The following DOCK4 variants were observed in gnomAD, a reference collection of about 807,000 sequenced individuals.
DOCK4 encodes the protein dedicator of cytokinesis 4, also known as dedicator of cytokinesis protein 4.
In DOCK4, 97 loss-of-function variants were observed where a neutral mutation model predicts 268.1. That is an observed-to-expected ratio of 0.36 (90% CI 0.31 to 0.43). The LOEUF is 0.43. Among genes scored for constraint, DOCK4 ranks in the 20% least tolerant of loss-of-function variants. DOCK4 has a pLI of 1.00. For synonymous variants in DOCK4, 954 were observed against 887.2 expected (o/e 1.08, Z -1.34); for missense variants, 2,145 against 2,455.7 (o/e 0.87, Z 2.67).
intron 30 of DOCK4, chr7:111,808,080 A>G (rs1276821608): frequency 2.0e-5 from 3 of 152,318 alleles, no homozygotes; most frequent in Admixed American, 2.0e-4. Flanking sequence ...CAACTCAAAT[A>G]GGTCAATCAT....
chr7:111,857,861 T>C (rs368596832), intron 23 of DOCK4, among the ~76,000 whole-genome samples: 24 of 152,330 alleles, frequency 1.6e-4, no homozygotes, highest in African/African-American at 5.8e-4. Flanking sequence ...ATTTAGACTC[T>C]TCTATTCATG....
intron 1 of DOCK4, among the ~76,000 whole-genome samples, chr7:112,170,548 T>C (rs1818002759): frequency 6.6e-6 from 1 of 152,070 alleles, no homozygotes; most frequent in South Asian, 2.1e-4. Flanking sequence ...AAAGACATCG[T>C]TACAAGCAGA....
chr7:112,179,107 T>C (rs181586358), intron 1 of DOCK4, among the ~76,000 whole-genome samples: 3 of 152,340 alleles, frequency 2.0e-5, no homozygotes, highest in Admixed American at 2.0e-4. Context: ...AAATGGAGGC[T>C]GAACGCATTT....
intron 12 of DOCK4, among the ~76,000 whole-genome samples, chr7:111,921,688 G>C (rs1179830424): frequency 6.6e-6 from 1 of 152,116 alleles, no homozygotes; most frequent in Non-Finnish European, 1.5e-5. Context: ...GTAAAATAAA[G>C]ATAAAGGCAC....
At chr7:111,924,929 G>T (rs1475732470) in intron 12 of DOCK4, among the ~76,000 whole-genome samples, 1 of 152,106 alleles carries the variant, frequency 6.6e-6, no homozygotes. Flanking sequence ...GTATGTTTGG[G>T]AGGTGGGGGC....
At chr7:112,133,779 T>G (rs1814043974) in intron 1 of DOCK4, among the ~76,000 whole-genome samples, 1 of 152,224 alleles carries the variant, frequency 6.6e-6, no homozygotes, top group South Asian at 2.1e-4. Context: ...TCTTTGGATG[T>G]ACGGTTATAA....
At chr7:112,118,040 A>C (rs1043384376) in intron 1 of DOCK4, among the ~76,000 whole-genome samples, 5 of 152,164 alleles carry the variant, frequency 3.3e-5, no homozygotes, top group African/African-American at 1.2e-4. Flanking sequence ...TACACAAAAT[A>C]CAGAGCTATT....
intron 36 of DOCK4, among the ~76,000 whole-genome samples, chr7:111,770,523 T>C (rs1400405610): frequency 6.6e-6 from 1 of 152,188 alleles, no homozygotes; most frequent in African/African-American, 2.4e-5. Flanking sequence ...GATTTAAGTA[T>C]GGTTGGCAGA....
chr7:112,123,435 G>A (rs1422561581), intron 1 of DOCK4, among the ~76,000 whole-genome samples: 1 of 152,134 alleles, frequency 6.6e-6, no homozygotes, highest in Non-Finnish European at 1.5e-5. Flanking sequence ...AAAGTAACAT[G>A]AAAATTCATG....
chr7:112,196,694 G>T (rs1237877769), intron 1 of DOCK4, among the ~76,000 whole-genome samples: 1 of 152,104 alleles, frequency 6.6e-6, no homozygotes, highest in Non-Finnish European at 1.5e-5. Flanking sequence ...AGTCATTGAG[G>T]CCTCTCTGTT....
chr7:111,912,686 A>T (rs1792214437), intron 13 of DOCK4, among the ~76,000 whole-genome samples: 1 of 152,106 alleles, frequency 6.6e-6, no homozygotes, highest in African/African-American at 2.4e-5. Context: ...GACAGAAAGG[A>T]AAAGAGAAAG....
chr7:111,779,594 T>G (rs1316761650), intron 35 of DOCK4, among the ~76,000 whole-genome samples: 2 of 152,118 alleles, frequency 1.3e-5, no homozygotes, highest in South Asian at 4.1e-4. Context: ...GGTTTTGCCA[T>G]GATGCCCAGG....
intron 1 of DOCK4, among the ~76,000 whole-genome samples, chr7:112,176,306 T>C (rs2523020): frequency 0.69 from 105,549 of 151,908 alleles, 37,788 homozygotes; most frequent in African/African-American, 0.84. Flanking sequence ...TCCACCCATA[T>C]CTCTTATCAC....
intron 6 of DOCK4, 38 bp downstream of exon 6, chr7:111,988,977 C>T (rs1470284638): frequency 6.3e-7 from 1 of 1,577,044 alleles, no homozygotes; most frequent in Admixed American, 1.9e-5. Flanking sequence ...CCATTGTGTT[C>T]ACCTACTAGA....
intron 18 of DOCK4, 21 bp downstream of exon 18, chr7:111,872,446 T>C (rs769491607): frequency 3.2e-6 from 5 of 1,554,944 alleles, no homozygotes; most frequent in Admixed American, 1.9e-5. Context: ...GCAAGGAAAA[T>C]AGTAATGAAA....
chr7:112,121,688 A>G (rs552206249), intron 1 of DOCK4, among the ~76,000 whole-genome samples: 1 of 152,366 alleles, frequency 6.6e-6, no homozygotes, highest in Admixed American at 6.5e-5. Context: ...TGCAGACAGC[A>G]AAGAAAATAA....
At chr7:112,125,245 G>C (rs1280153879) in intron 1 of DOCK4, among the ~76,000 whole-genome samples, 2 of 152,018 alleles carry the variant, frequency 1.3e-5, no homozygotes, top group African/African-American at 4.8e-5. Flanking sequence ...CTCCCCCCCT[G>C]CCCCATCAGG....
chr7:111,835,676 G>C (rs1765260837), intron 25 of DOCK4, among the ~76,000 whole-genome samples: 1 of 152,196 alleles, frequency 6.6e-6, no homozygotes, highest in Non-Finnish European at 1.5e-5. Context: ...TTACAGAAGT[G>C]CAATTTAATT....
At chr7:111,989,424 ATTTATTT>A (rs1230323489) in intron 5 of DOCK4, among the ~76,000 whole-genome samples, 1 of 152,052 alleles carries the variant, frequency 6.6e-6, no homozygotes, top group Non-Finnish European at 1.5e-5. Context: ...CCTTTTATTT[ATTTATTT>A]TTTAAACACT....
Sources: allele counts gnomAD v4.1 joint callset (sites outside exome capture counted in the v4.1 genomes callset), GRCh38; gene constraint gnomAD v4.1.1; transcripts MANE v1.5; gene names NCBI Gene and HGNC (gene_info 2026-07-23, HGNC 2026-07-21).